The following ROR1 variants were observed in gnomAD, a reference collection of about 807,000 sequenced individuals.
ROR1 encodes the protein ROR family WNT receptor 1, also known as inactive tyrosine-protein kinase transmembrane receptor ROR1.
Under a neutral mutation model 78.8 loss-of-function variants are expected in ROR1, and 19 were observed. The observed-to-expected ratio is 0.24, with a 90% CI of 0.17 to 0.35. The LOEUF (loss-of-function observed/expected upper bound fraction) is 0.35. Among genes scored for constraint, ROR1 ranks in the 10% least tolerant of loss-of-function variants. The pLI, the probability that ROR1 is intolerant of heterozygous loss-of-function variation, is 1.00. For synonymous variants in ROR1, 386 were observed against 433.6 expected (o/e 0.89, Z 1.36); for missense variants, 917 against 1,177.8 (o/e 0.78, Z 3.24).
intron 1 of ROR1, among the ~76,000 whole-genome samples, chr1:63,995,213 A>G (rs926744442): frequency 3.3e-5 from 5 of 152,172 alleles, no homozygotes; most frequent in Non-Finnish European, 7.3e-5. Context: ...AATTACATGG[A>G]AAATTATTTT....
chr1:63,843,246 A>G, intron 1 of ROR1: 1 of 1,508,006 alleles, frequency 6.6e-7, no homozygotes, highest in Non-Finnish European at 9.2e-7. Context: ...CTTCTCTGCC[A>G]GGGTGCAGCG....
intron 4 of ROR1, among the ~76,000 whole-genome samples, chr1:64,064,027 T>A (rs969113671): frequency 6.6e-6 from 1 of 152,216 alleles, no homozygotes; most frequent in Non-Finnish European, 1.5e-5. Context: ...TGTGCCTGGA[T>A]GGCAACATGC....
At chr1:63,879,774 GT>G (rs934175439) in intron 1 of ROR1, among the ~76,000 whole-genome samples, 3 of 152,142 alleles carry the variant, frequency 2.0e-5, no homozygotes, top group African/African-American at 7.2e-5. Flanking sequence ...TAATTTAGGA[GT>G]TGGAGAGAAC....
At chr1:63,951,801 C>G (rs1004406655) in intron 1 of ROR1, among the ~76,000 whole-genome samples, 11 of 152,160 alleles carry the variant, frequency 7.2e-5, no homozygotes, top group Non-Finnish European at 1.2e-4. Context: ...GGATCTGCCC[C>G]TGAGAACCAG....
Position 64,142,451 on chromosome 1 carries a change from C to G in ROR1, c.975C>G (p.Val325=). Residue 325 remains valine, a synonymous_variant, in exon 7 of 9, where the codon GTC becomes GTG. Transcript: ENST00000371079. ...NSTGVDYRGT[V]SVTKSGRQCQ... is the part of the protein sequence containing the mutation. ...CAGGTGTGGACTACCGGGGGACCGT[C>G]AGTGTGACCAAATCAGGGCGCCAGT... The G allele has an allele frequency of 6.2e-7, 1 of 1,614,168 alleles. No homozygotes were observed. Among genetic ancestry groups the G allele is most frequent in the South Asian group, 1.1e-5 (1 of 91,076 alleles).
chr1:64,179,044 A>AAAC lies in ROR1; in HGVS notation c.*192_*194dup. On this transcript the variant is annotated 3_prime_UTR_variant, in exon 9 of 9. Coordinates refer to ENST00000371079, the MANE Select transcript of ROR1 (RefSeq NM_005012.4). ...GGCCAGAAAAAAAAAAAAAAAAAAA[A>AAAC]AACAAGCAAACAAAAACATTGTGGG... The AAAC allele has an allele frequency of 1.1e-5, 6 of 540,216 alleles. No homozygotes were observed. Among genetic ancestry groups the AAAC allele is most frequent in the Non-Finnish European group, 1.9e-5 (6 of 310,064 alleles). 33.5% of individuals were successfully genotyped at this position (540,216 alleles called of 1,614,324 possible).
chr1:63,888,494 G>A (rs1327402535), intron 1 of ROR1, among the ~76,000 whole-genome samples: 2 of 151,994 alleles, frequency 1.3e-5, no homozygotes, highest in Non-Finnish European at 2.9e-5. Flanking sequence ...CATGGTGCAT[G>A]TGCCTGTGGT....
At chr1:63,942,901 G>A (rs1645852459) in intron 1 of ROR1, among the ~76,000 whole-genome samples, 1 of 151,968 alleles carries the variant, frequency 6.6e-6, no homozygotes, top group Admixed American at 6.6e-5. Flanking sequence ...AGCAGCCTGG[G>A]CAATACAGTG....
intron 1 of ROR1, among the ~76,000 whole-genome samples, chr1:63,905,719 T>A (rs1645523009): frequency 6.6e-6 from 1 of 152,206 alleles, no homozygotes; most frequent in East Asian, 1.9e-4. Flanking sequence ...ATTGACGTTC[T>A]AGCTTGACCT....
At chr1:64,074,181 G>C (rs911073574) in intron 4 of ROR1, among the ~76,000 whole-genome samples, 3 of 151,968 alleles carry the variant, frequency 2.0e-5, no homozygotes, top group Admixed American at 6.6e-5. Flanking sequence ...CCTAAATCAG[G>C]GTGGCCACAT....
chr1:64,031,780 G>T (rs892641425), intron 2 of ROR1, among the ~76,000 whole-genome samples: 1 of 152,136 alleles, frequency 6.6e-6, no homozygotes, highest in Non-Finnish European at 1.5e-5. Flanking sequence ...AATTCAGATG[G>T]TTTAACTCAT....
intron 2 of ROR1, among the ~76,000 whole-genome samples, chr1:64,020,736 T>C (rs527898084): frequency 6.6e-6 from 1 of 152,186 alleles, no homozygotes; most frequent in Admixed American, 6.5e-5. Flanking sequence ...ACAAACAGAT[T>C]ATTTGGGGAT....
intron 1 of ROR1, among the ~76,000 whole-genome samples, chr1:63,893,834 C>T (rs1361144398): frequency 6.6e-6 from 1 of 152,094 alleles, no homozygotes; most frequent in Non-Finnish European, 1.5e-5. Context: ...GCAGATAGTA[C>T]CAAATTCTAT....
intron 1 of ROR1, among the ~76,000 whole-genome samples, chr1:63,861,715 T>TTCTA (rs373202346): frequency 8.1e-4 from 124 of 152,338 alleles, no homozygotes; most frequent in African/African-American, 2.7e-3. Context: ...TTTTTGGGGA[T>TTCTA]TCTACTTTGA....
chr1:63,863,889 A>G (rs1557533569), intron 1 of ROR1, among the ~76,000 whole-genome samples: 1 of 152,148 alleles, frequency 6.6e-6, no homozygotes, highest in Non-Finnish European at 1.5e-5. Flanking sequence ...GATTTAATAC[A>G]GGACACAAAA....
rs533915704 is a variant in ROR1 at position 63,917,934 on chromosome 1, G to A, written c.92-91371G>A. 4.6e-5 allele frequency among the ~76,000 whole-genome samples: 7 copies of A among 152,272 alleles called. No individual in the cohort carries two copies. In the East Asian group the frequency reaches 1.4e-3, roughly 29 times the overall value. Reference sequence around the variant, plus strand: ...GAGCTTCTGAAGGCAGTAGGGTGGTGGCTAATTTCTTAATGCTGCTCTCCC... The same window carrying A: ...GAGCTTCTGAAGGCAGTAGGGTGGTAGCTAATTTCTTAATGCTGCTCTCCC... On this transcript the variant is annotated intron_variant, in intron 1 of 8. Transcript: ENST00000371079.
chr1:64,122,683 C>T (rs1213644406), intron 4 of ROR1, among the ~76,000 whole-genome samples: 1 of 152,172 alleles, frequency 6.6e-6, no homozygotes, highest in African/African-American at 2.4e-5. Context: ...GCACATCTGT[C>T]TGGTAGAGGA....
chr1:63,992,731 T>C (rs1054555991), intron 1 of ROR1, among the ~76,000 whole-genome samples: 2 of 152,200 alleles, frequency 1.3e-5, no homozygotes, highest in African/African-American at 4.8e-5. Context: ...AAAATGAAGA[T>C]AATAACACAT....
intron 1 of ROR1, among the ~76,000 whole-genome samples, chr1:63,871,658 T>C (rs1417160432): frequency 6.6e-6 from 1 of 152,218 alleles, no homozygotes; most frequent in Non-Finnish European, 1.5e-5. Context: ...ACATTTGCCT[T>C]GACAGTGCCT....
Sources: gnomAD v4.1 joint callset for allele counts (sites outside exome capture counted in the v4.1 genomes callset) on GRCh38, gnomAD v4.1.1 for gene constraint, MANE v1.5 for transcripts, NCBI Gene and HGNC (gene_info 2026-07-23, HGNC 2026-07-21) for gene names.